The following TF variants were observed in gnomAD, a reference collection of about 807,000 sequenced individuals.
TF encodes serotransferrin.
In TF, 55 loss-of-function variants were observed where a neutral mutation model predicts 82.4. That is an observed-to-expected ratio of 0.67 (90% confidence interval 0.54 to 0.84). TF has a LOEUF of 0.84. TF is among the 40% of genes least tolerant of loss of function. The pLI, the probability that TF is intolerant of heterozygous loss-of-function variation, is 0.00. For synonymous variants in TF, 332 were observed against 332.6 expected (o/e 1.00, Z 0.02); for missense variants, 737 against 868.4 (o/e 0.85, Z 1.90).
rs1830083 is a variant in TF, at chr3:133,789,707, G to C, written c.*11087G>C. On this transcript the variant is annotated 3_prime_UTR_variant, in exon 17 of 17. Transcript: ENST00000402696. Reference sequence around the variant, plus strand: ...GACTTAAGTATAACTTTCCTAAACAGGCTAGTTTTAAAATTATTGGTGAAG... The same window carrying C: ...GACTTAAGTATAACTTTCCTAAACACGCTAGTTTTAAAATTATTGGTGAAG... The C allele has an allele frequency of 6.6e-6, 1 of 151,846 alleles. No homozygotes were observed. The highest frequency in any genetic ancestry group is 1.5e-5 in the Non-Finnish European group (1 of 67,962). 9.4% of individuals were successfully genotyped at this position (151,846 alleles called of 1,614,324 possible).
chr3:133,695,858 A>G, the TF span, among the ~76,000 whole-genome samples: 1 of 152,202 alleles, frequency 6.6e-6, no homozygotes, highest in East Asian at 1.9e-4. Context: ...TGAGAAGGCT[A>G]CTAAGTAACT....
At chr3:133,753,784 G>T in intron 3 of TF, 81 bp downstream of exon 3, 1 of 1,127,192 alleles carries the variant, frequency 8.9e-7, no homozygotes, top group Non-Finnish European at 1.4e-6. Flanking sequence ...GGCAGGTTTT[G>T]GATATCAGAT....
At chr3:133,775,324 T>G in intron 14 of TF, 109 bp from the exon 15 acceptor site, 2 of 1,133,672 alleles carry the variant, frequency 1.8e-6, no homozygotes, top group Non-Finnish European at 2.7e-6. Context: ...TGGGCACTTC[T>G]GCTGGCGAGA....
chr3:133,719,128 G>A, the TF span, among the ~76,000 whole-genome samples: 13 of 152,184 alleles, frequency 8.5e-5, no homozygotes, highest in African/African-American at 3.1e-4. Context: ...GGGATTAGGG[G>A]AACAAATGTA....
At chr3:133,737,511 A>C in the TF span, among the ~76,000 whole-genome samples, 1 of 152,136 alleles carries the variant, frequency 6.6e-6, no homozygotes, top group Non-Finnish European at 1.5e-5. Flanking sequence ...AAAACCCTTA[A>C]AAAAATCAAT....
chr3:133,739,280 G>T, the TF span, among the ~76,000 whole-genome samples: 412 of 152,140 alleles, frequency 2.7e-3, 2 homozygotes, highest in Admixed American at 4.3e-3. Context: ...AACTGAAACT[G>T]GACCCCTTCC....
At chr3:133,746,508 C>T (rs931926050) in intron 1 of TF, 25 bp downstream of exon 1, 2 of 1,587,236 alleles carry the variant, frequency 1.3e-6, no homozygotes, top group African/African-American at 1.3e-5. Context: ...GGGGTAGCAC[C>T]GCAGAGTCGC....
At position 133,748,525 on chromosome 3, in the gene TF, G is replaced by A. The variant is rs764107995; in HGVS notation, c.157G>A (p.Gly53Ser). Residue 53 changes from glycine (G) to serine (S), a missense_variant, in exon 2 of 17, where the codon GGT (glycine) becomes AGT (serine). Gly to Ser is a moderately conservative substitution (Grantham distance 56, BLOSUM62 0). Transcript: ENST00000402696. Reference protein sequence around the residue: ...DHMKSVIPSDGPSVACVKKAS... With the variant: ...DHMKSVIPSDSPSVACVKKAS... ...TATGAAAAGCGTCATTCCATCCGAT[G>A]GTCCCAGTGTTGCTTGTGTGAAGAA... 9 of 1,613,992 alleles carry A rather than the reference G, an allele frequency of 5.6e-6. No homozygotes were observed. The highest frequency in any genetic ancestry group is 2.2e-5 in the East Asian group (1 of 44,856).
chr3:133,746,252 GA>G (rs1933493936), upstream of TF: 6 of 669,874 alleles, frequency 9.0e-6, no homozygotes, highest in South Asian at 1.0e-4. Context: ...AAAATGAGGT[GA>G]TCAGTGGGAC....
chr3:133,671,654 G>A, the TF span, among the ~76,000 whole-genome samples: 1 of 151,862 alleles, frequency 6.6e-6, no homozygotes, highest in African/African-American at 2.4e-5. Flanking sequence ...TTACCCGGGT[G>A]CTCTGTCTAA....
upstream of TF, among the ~76,000 whole-genome samples, chr3:133,745,055 C>T (rs572919500): frequency 2.0e-5 from 3 of 152,244 alleles, no homozygotes; most frequent in South Asian, 2.1e-4. Flanking sequence ...CCCAGTTAAA[C>T]GGATGTACAG....
the TF span, among the ~76,000 whole-genome samples, chr3:133,728,452 C>G: frequency 6.6e-6 from 1 of 151,964 alleles, no homozygotes; most frequent in Non-Finnish European, 1.5e-5. Context: ...GCATCAGCTC[C>G]TGAGGCTTCT....
At chr3:133,754,785 G>C (rs1010547232) in intron 4 of TF, 114 bp downstream of exon 4, 1 of 1,208,322 alleles carries the variant, frequency 8.3e-7, no homozygotes, top group Non-Finnish European at 1.2e-6. Flanking sequence ...TCAGGTGGGG[G>C]AAAGAGGTTA....
the TF span, among the ~76,000 whole-genome samples, chr3:133,687,956 AT>A: frequency 6.6e-6 from 1 of 152,000 alleles, no homozygotes; most frequent in South Asian, 2.1e-4. Flanking sequence ...TAAAAGTGAA[AT>A]TGCTGTACTA....
chr3:133,675,242 CAAAAAAAAAAAA>C, the TF span, among the ~76,000 whole-genome samples: 1 of 55,452 alleles, frequency 1.8e-5, no homozygotes, highest in Non-Finnish European at 3.2e-5. Context: ...GAGACTCTGT[CAAAAAAAAAAAA>C]AAAAAAAAAA....
At chr3:133,771,226 T>G (rs1305219225) in intron 14 of TF, among the ~76,000 whole-genome samples, 1 of 152,174 alleles carries the variant, frequency 6.6e-6, no homozygotes, top group Non-Finnish European at 1.5e-5. Flanking sequence ...CAAGAACCAA[T>G]TTGAAGGATC....
chr3:133,776,953 C>T, intron 15 of TF, 96 bp from the exon 16 acceptor site: 1 of 1,157,174 alleles, frequency 8.6e-7, no homozygotes, highest in South Asian at 1.3e-5. Context: ...CCCTTTTTCC[C>T]CAGGGCTGGT....
chr3:133,728,553 G>T, the TF span, among the ~76,000 whole-genome samples: 1 of 151,958 alleles, frequency 6.6e-6, no homozygotes, highest in Non-Finnish European at 1.5e-5. Context: ...TTATACATTC[G>T]TCTAAATTTT....
the TF span, among the ~76,000 whole-genome samples, chr3:133,714,616 C>T: frequency 2.6e-5 from 4 of 152,158 alleles, no homozygotes; most frequent in Non-Finnish European, 5.9e-5. Flanking sequence ...AAAAAGCAGT[C>T]TTAGCTTCAG....
Sources: gnomAD v4.1 joint callset for allele counts (sites outside exome capture counted in the v4.1 genomes callset) on GRCh38, gnomAD v4.1.1 for gene constraint, MANE v1.5 for transcripts, NCBI Gene and HGNC (gene_info 2026-07-23, HGNC 2026-07-21) for gene names.